Variants in DPP10 observed in about 807,000 individuals in gnomAD.
The protein encoded by DPP10 is dipeptidyl peptidase like 10.
A neutral mutation model predicts 120.9 loss-of-function variants in DPP10; 33 were observed. That is an observed-to-expected ratio of 0.27 (90% CI 0.21 to 0.37). The LOEUF is 0.37. Ranked by LOEUF, DPP10 falls within the 10% of genes least tolerant of loss-of-function variation. The pLI is 1.00. For missense variants in DPP10, 816 were observed against 942.8 expected (o/e 0.87, Z 1.76); for synonymous variants, 337 against 326.1 (o/e 1.03, Z -0.36).
chr2:115,226,292 A>G (rs78510089), intron 1 of DPP10, among the ~76,000 whole-genome samples: 2,029 of 152,202 alleles, frequency 0.013, 40 homozygotes, highest in African/African-American at 0.047. Context: ...ATAGTTCTAG[A>G]TATTATGTGC....
At chr2:114,584,399 TTTA>T (rs1690775465) in intron 1 of DPP10, among the ~76,000 whole-genome samples, 1 of 152,126 alleles carries the variant, frequency 6.6e-6, no homozygotes, top group African/African-American at 2.4e-5. Context: ...TGTTTATTTA[TTTA>T]TTATTATTAT....
At chr2:114,842,162 G>C (rs757402279) in intron 1 of DPP10, among the ~76,000 whole-genome samples, 1 of 152,090 alleles carries the variant, frequency 6.6e-6, no homozygotes, top group African/African-American at 2.4e-5. Flanking sequence ...GAGTTTCAGG[G>C]ATCTTTCTGA....
At chr2:115,647,068 A>G (rs964533947) in intron 5 of DPP10, among the ~76,000 whole-genome samples, 7 of 152,182 alleles carry the variant, frequency 4.6e-5, no homozygotes, top group African/African-American at 1.7e-4. Flanking sequence ...CTCTGGAGAC[A>G]AGAGATTTAT....
intron 5 of DPP10, among the ~76,000 whole-genome samples, chr2:115,679,508 C>A (rs2090504996): frequency 6.6e-6 from 1 of 152,122 alleles, no homozygotes; most frequent in South Asian, 2.1e-4. Flanking sequence ...AACTGTGAGT[C>A]AATTAAACCT....
chr2:114,584,063 CG>C (rs1690750683), intron 1 of DPP10, among the ~76,000 whole-genome samples: 1 of 151,854 alleles, frequency 6.6e-6, no homozygotes, highest in Non-Finnish European at 1.5e-5. Flanking sequence ...AAGAGAATCA[CG>C]AAAGATTCAA....
chr2:115,641,489 A>G (rs2086774992), intron 5 of DPP10, among the ~76,000 whole-genome samples: 1 of 151,900 alleles, frequency 6.6e-6, no homozygotes, highest in Admixed American at 6.6e-5. Flanking sequence ...CTTCAGAGAG[A>G]CCTCTTTAAA....
At chr2:115,669,218 G>T (rs2089686446) in intron 5 of DPP10, among the ~76,000 whole-genome samples, 1 of 152,058 alleles carries the variant, frequency 6.6e-6, no homozygotes. Context: ...TATCAGTTGA[G>T]AAGTAATCTA....
chr2:115,734,171 C>G (rs1182649690), intron 8 of DPP10, among the ~76,000 whole-genome samples: 3 of 152,154 alleles, frequency 2.0e-5, no homozygotes, highest in Admixed American at 6.5e-5. Flanking sequence ...TCATATGTCA[C>G]TCTAAAATAA....
intron 1 of DPP10, among the ~76,000 whole-genome samples, chr2:115,187,019 CTTTTTTTTTTTTTT>C (rs147014349): frequency 1.0e-3 from 64 of 63,180 alleles, no homozygotes; most frequent in South Asian, 3.2e-3. Context: ...TGCAAAGATT[CTTTTTTTTTTTTTT>C]TTTTTTTTTT....
intron 7 of DPP10, among the ~76,000 whole-genome samples, chr2:115,712,718 A>G (rs1330227445): frequency 6.6e-6 from 1 of 151,106 alleles, no homozygotes; most frequent in Non-Finnish European, 1.5e-5. Flanking sequence ...AGGTGCTTCT[A>G]CAATAAGATA....
chr2:114,977,222 T>A lies in DPP10; in HGVS notation c.61-332017T>A, dbSNP rs895351947. 3.3e-5 allele frequency among the ~76,000 whole-genome samples: 5 copies of A among 152,320 alleles called. No homozygotes were observed. The East Asian group carries it at 9.6e-4, about 29-fold the overall frequency. ...CTGTTGTTTTATATTTTGTGTGTTG[T>A]GATCCTCTCAACACACACCCTACCC... On this transcript the variant is annotated intron_variant, in intron 1 of 25. Transcript: ENST00000410059.
chr2:114,751,971 A>C (rs1187559329), intron 1 of DPP10, among the ~76,000 whole-genome samples: 2 of 152,188 alleles, frequency 1.3e-5, no homozygotes, highest in Non-Finnish European at 1.5e-5. Context: ...ATTTCTAAGA[A>C]GCTCCCAGGT....
intron 1 of DPP10, among the ~76,000 whole-genome samples, chr2:115,027,734 CAGGTCCT>C (rs1703564580): frequency 6.6e-6 from 1 of 152,046 alleles, no homozygotes. Flanking sequence ...GGTAGAACAT[CAGGTCCT>C]AGGCTCTTCT....
intron 3 of DPP10, among the ~76,000 whole-genome samples, chr2:115,421,179 A>G (rs2069919789): frequency 1.3e-5 from 2 of 152,152 alleles, no homozygotes; most frequent in South Asian, 4.2e-4. Context: ...TTCAGTGTCA[A>G]ACTATATGCC....
chr2:114,672,701 A>T (rs1024505812), intron 1 of DPP10, among the ~76,000 whole-genome samples: 3 of 152,158 alleles, frequency 2.0e-5, no homozygotes, highest in Non-Finnish European at 4.4e-5. Flanking sequence ...CATAAAAATT[A>T]TCATGGGGAT....
At chr2:114,926,850 A>AT (rs11450459) in intron 1 of DPP10, among the ~76,000 whole-genome samples, 85,888 of 136,554 alleles carry the variant, frequency 0.63, 27,756 homozygotes, top group East Asian at 0.88. Flanking sequence ...GGAAGATACA[A>AT]TTTTTTTTTT....
chr2:114,958,650 AATT>A (rs1698387421), intron 1 of DPP10, among the ~76,000 whole-genome samples: 1 of 152,134 alleles, frequency 6.6e-6, no homozygotes, highest in South Asian at 2.1e-4. Context: ...AAATATTTAC[AATT>A]ATTATTTGTA....
intron 1 of DPP10, among the ~76,000 whole-genome samples, chr2:114,609,152 T>G (rs964624378): frequency 6.6e-6 from 1 of 152,108 alleles, no homozygotes. Flanking sequence ...GAGTGAAGTT[T>G]CCAGAAAACA....
intron 3 of DPP10, among the ~76,000 whole-genome samples, chr2:115,362,095 G>A (rs2106356780): frequency 6.6e-6 from 1 of 152,188 alleles, no homozygotes; most frequent in Non-Finnish European, 1.5e-5. Flanking sequence ...TACTTAATCA[G>A]CTTGGTTATA....
Sources: gnomAD v4.1 joint callset for allele counts (sites outside exome capture counted in the v4.1 genomes callset) on GRCh38, gnomAD v4.1.1 for gene constraint, MANE v1.5 for transcripts, NCBI Gene and HGNC (gene_info 2026-07-23, HGNC 2026-07-21) for gene names.